The following NEK11 variants were observed in gnomAD, a reference collection of about 807,000 sequenced individuals.
NEK11 encodes NIMA related kinase 11.
A neutral mutation model predicts 80.7 loss-of-function variants in NEK11; 72 were observed. The ratio of observed to expected loss-of-function variants is 0.89; its 90% CI spans 0.74 to 1.08. The LOEUF (loss-of-function observed/expected upper bound fraction) is 1.08. Ranked by LOEUF, NEK11 falls within the 50% of genes least tolerant of loss-of-function variation. The pLI, the probability that NEK11 is intolerant of heterozygous loss-of-function variation, is 0.00. For missense variants in NEK11, 764 were observed against 763.6 expected (o/e 1.00, Z -0.01); for synonymous variants, 251 against 260.7 (o/e 0.96, Z 0.36).
chr3:131,113,013 A>T (rs2080383556), intron 5 of NEK11, among the ~76,000 whole-genome samples: 1 of 152,216 alleles, frequency 6.6e-6, no homozygotes, highest in Non-Finnish European at 1.5e-5. Context: ...TTGGGTTATC[A>T]GTCAAGAACC....
intron 4 of NEK11, among the ~76,000 whole-genome samples, chr3:131,085,809 T>C (rs2075898211): frequency 6.6e-6 from 1 of 152,202 alleles, no homozygotes; most frequent in Non-Finnish European, 1.5e-5. Context: ...AATATTTTAC[T>C]AGTTTTCCCC....
intron 14 of NEK11, among the ~76,000 whole-genome samples, chr3:131,213,492 C>T (rs533516044): frequency 6.6e-6 from 1 of 152,232 alleles, no homozygotes; most frequent in South Asian, 2.1e-4. Context: ...ATGTACATGA[C>T]AGAAACTTTG....
chr3:131,123,025 T>C (rs2082661742), intron 5 of NEK11, among the ~76,000 whole-genome samples: 1 of 152,222 alleles, frequency 6.6e-6, no homozygotes, highest in Non-Finnish European at 1.5e-5. Flanking sequence ...AAGAAAGATT[T>C]CATATAAACT....
chr3:131,170,711 A>T, intron 13 of NEK11, 62 bp from the exon 14 acceptor site: 17 of 991,228 alleles, frequency 1.7e-5, no homozygotes, highest in Admixed American at 1.2e-4. Flanking sequence ...TATTTTTTTC[A>T]TTTGTGGTAG....
chr3:131,062,755 G>A (rs746127257), intron 3 of NEK11, among the ~76,000 whole-genome samples: 4 of 152,206 alleles, frequency 2.6e-5, no homozygotes, highest in Non-Finnish European at 5.9e-5. Flanking sequence ...ACAAGTCGTG[G>A]TGCTAGTAGA....
chr3:131,322,724 A>T (rs1313281185), intron 17 of NEK11, among the ~76,000 whole-genome samples: 1 of 152,206 alleles, frequency 6.6e-6, no homozygotes, highest in Non-Finnish European at 1.5e-5. Context: ...CGTTTCCTTG[A>T]GGCTTCAGCA....
At chr3:131,134,859 T>A (rs1429672690) in intron 7 of NEK11, among the ~76,000 whole-genome samples, 1 of 152,216 alleles carries the variant, frequency 6.6e-6, no homozygotes, top group Non-Finnish European at 1.5e-5. Context: ...GTATTCAGTA[T>A]GTTCTAGTGT....
At chr3:131,171,659 A>G (rs558147299) in intron 14 of NEK11, among the ~76,000 whole-genome samples, 1 of 152,314 alleles carries the variant, frequency 6.6e-6, no homozygotes, top group East Asian at 1.9e-4. Context: ...TGAATAGCAA[A>G]TGAGACGTGG....
At chr3:131,148,287 G>A (rs551320732) in intron 7 of NEK11, among the ~76,000 whole-genome samples, 5 of 151,790 alleles carry the variant, frequency 3.3e-5, no homozygotes, top group African/African-American at 1.2e-4. Flanking sequence ...GTGTAAATTT[G>A]GGTTATTTGA....
intron 5 of NEK11, among the ~76,000 whole-genome samples, chr3:131,110,731 A>G (rs1437730619): frequency 1.3e-5 from 2 of 152,168 alleles, no homozygotes; most frequent in East Asian, 3.8e-4. Flanking sequence ...TAATTTATAA[A>G]GCACACCAAG....
intron 7 of NEK11, among the ~76,000 whole-genome samples, chr3:131,146,627 T>C (rs1202542419): frequency 1.3e-5 from 2 of 152,168 alleles, no homozygotes; most frequent in Non-Finnish European, 2.9e-5. Context: ...AACTTGATGA[T>C]TATATATTTT....
At chr3:131,312,908 A>G (rs545416223) in intron 17 of NEK11, among the ~76,000 whole-genome samples, 7 of 151,780 alleles carry the variant, frequency 4.6e-5, no homozygotes, top group Admixed American at 3.3e-4. Context: ...TGTGTAGATT[A>G]TTTCATCACC....
At chr3:131,027,847 G>A (rs1407698776) in intron 1 of NEK11, 83 bp from the exon 2 acceptor site, 2 of 152,002 alleles carry the variant, frequency 1.3e-5, no homozygotes, top group African/African-American at 4.8e-5. Flanking sequence ...AGCACTGCTG[G>A]GTTTAGACTG....
intron 17 of NEK11, among the ~76,000 whole-genome samples, chr3:131,283,970 C>A (rs1037758797): frequency 6.6e-6 from 1 of 152,140 alleles, no homozygotes; most frequent in Admixed American, 6.6e-5. Context: ...TAATTGAATT[C>A]TTCTTGAGAG....
In NEK11 at chr3:131,037,579, G is replaced by A. The variant is rs531153814; in HGVS notation, c.170+7701G>A. Among the ~76,000 whole-genome samples, 58 of 152,316 alleles carry A rather than the reference G, an allele frequency of 3.8e-4. No homozygotes were observed. In the East Asian group the frequency reaches 0.011, roughly 28 times the overall value. On this transcript the variant is annotated intron_variant, in intron 3 of 17. Transcript: ENST00000383366. Reference sequence around the variant, plus strand: ...TTACAGGCGTGAGCCACCATGCCCAGCAGGAATAATAATTCTTACTAAAAT... The same window carrying A: ...TTACAGGCGTGAGCCACCATGCCCAACAGGAATAATAATTCTTACTAAAAT...
chr3:131,188,044 G>A (rs576665071), intron 14 of NEK11, among the ~76,000 whole-genome samples: 4 of 152,212 alleles, frequency 2.6e-5, no homozygotes, highest in African/African-American at 7.2e-5. Context: ...AGTTAATGAA[G>A]GGTACACAGG....
chr3:131,334,680 C>T (rs1290205447), intron 17 of NEK11, among the ~76,000 whole-genome samples: 1 of 151,934 alleles, frequency 6.6e-6, no homozygotes, highest in Non-Finnish European at 1.5e-5. Flanking sequence ...AATCCAGGAG[C>T]TGGTTTTTTT....
In NEK11 at chr3:131,198,026, C is replaced by A. The variant is rs546556820; in HGVS notation, c.1399+27139C>A. 3.9e-5 allele frequency among the ~76,000 whole-genome samples: 6 copies of A among 152,244 alleles called. No homozygotes were observed. In the South Asian group the frequency reaches 1.2e-3, roughly 32 times the overall value. ...GGTGTTCCCTCGAAATTAGGAATTC[C>A]CTTTCTCTCCATATTGCTGCATGGG... is the stretch of plus-strand genomic sequence containing the variant. On this transcript the variant is annotated intron_variant, in intron 14 of 17. Coordinates refer to ENST00000383366, the MANE Select transcript of NEK11 (RefSeq NM_024800.5).
intron 17 of NEK11, among the ~76,000 whole-genome samples, chr3:131,299,483 A>G (rs568214292): frequency 5.3e-5 from 8 of 152,272 alleles, no homozygotes; most frequent in Admixed American, 5.2e-4. Context: ...ATCAGCCACC[A>G]TGCCTGGCCC....
Sources: gnomAD v4.1 joint callset for allele counts (sites outside exome capture counted in the v4.1 genomes callset) on GRCh38, gnomAD v4.1.1 for gene constraint, MANE v1.5 for transcripts, NCBI Gene and HGNC (gene_info 2026-07-23, HGNC 2026-07-21) for gene names.